TRPM3: variants seen among roughly 807,000 people sequenced by gnomAD.
The protein encoded by TRPM3 is transient receptor potential cation channel subfamily M member 3, also known as long transient receptor potential channel 3.
Under a neutral mutation model 181.2 loss-of-function variants are expected in TRPM3, and 77 were observed. The observed-to-expected ratio is 0.42, with a 90% CI of 0.35 to 0.51. The LOEUF (loss-of-function observed/expected upper bound fraction) is 0.51, where lower values mean the gene tolerates loss of function less well. Among genes scored for constraint, TRPM3 ranks in the 20% least tolerant of loss-of-function variants. TRPM3 has a pLI of 0.01. For synonymous variants in TRPM3, 745 were observed against 796.4 expected (o/e 0.94, Z 1.09); for missense variants, 1,759 against 2,196.7 (o/e 0.80, Z 3.98).
rs1314559068 is a variant in TRPM3 at position 71,420,727 on chromosome 9, GAGAGAGAGAAAGAGAGAGAA to G, written c.183+25906_183+25925del. Among the ~76,000 whole-genome samples, 200 of 45,284 alleles carry G rather than the reference GAGAGAGAGAAAGAGAGAGAA, an allele frequency of 4.4e-3. 13 individuals are homozygous for G. The highest frequency in any genetic ancestry group is 9.4e-3 in the African/African-American group (90 of 9,616). The allele number at this position is 45,284 out of a possible 152,430, so 29.7% of individuals were successfully genotyped here. ...AGAGAGAAAGAAAGAGAGAAAGAGA[GAGAGAGAGAAAGAGAGAGAA>G]AGAGAGAGAAAGAGAGAGAAAGAGA... On this transcript the variant is annotated intron_variant, in intron 1 of 24. Transcript: ENST00000357533.
intron 1 of TRPM3, among the ~76,000 whole-genome samples, chr9:71,364,714 A>T (rs2092277196): frequency 6.6e-6 from 1 of 152,224 alleles, no homozygotes; most frequent in African/African-American, 2.4e-5. Flanking sequence ...ACAGCTTGAG[A>T]GTAGTATGTC....
At chr9:71,104,667 T>A (rs2069112235) in intron 1 of TRPM3, among the ~76,000 whole-genome samples, 1 of 152,154 alleles carries the variant, frequency 6.6e-6, no homozygotes, top group Non-Finnish European at 1.5e-5. Context: ...TTTCTTCCTC[T>A]CTTTGCTCAA....
chr9:70,898,762 A>AAAAAG lies in TRPM3; in HGVS notation c.178-34256_178-34252dup, dbSNP rs995013288. Among the ~76,000 whole-genome samples, 195 of 143,092 alleles carry AAAAAG rather than the reference A, an allele frequency of 1.4e-3. 1 individual carries two copies. In the East Asian group the frequency reaches 0.024, roughly 18 times the overall value. The allele number at this position is 143,092 out of a possible 152,430, so 93.9% of individuals were successfully genotyped here. On this transcript the variant is annotated intron_variant, in intron 1 of 25. Coordinates refer to ENST00000677713, the MANE Select transcript of TRPM3 (RefSeq NM_001366145.2). Reference sequence around the variant, plus strand: ...GACTTCATCTCAAAAAAAAAAAAAAAAAAAGAAAAGAAAAGAAAAGAAAAG... The same window carrying AAAAAG: ...GACTTCATCTCAAAAAAAAAAAAAAAAAAAGAAAAGAAAAGAAAAGAAAAGAAAAG...
intron 9 of TRPM3, among the ~76,000 whole-genome samples, chr9:70,647,237 A>G (rs972872828): frequency 6.6e-6 from 1 of 152,104 alleles, no homozygotes; most frequent in East Asian, 1.9e-4. Flanking sequence ...ACACAATGAA[A>G]AAAAAGAAAA....
At chr9:70,565,022 C>T (rs1000020852) in intron 22 of TRPM3, among the ~76,000 whole-genome samples, 10 of 152,306 alleles carry the variant, frequency 6.6e-5, no homozygotes, top group Admixed American at 3.9e-4. Flanking sequence ...GAGCTTTTCA[C>T]GCTTCAAGTG....
intron 1 of TRPM3, among the ~76,000 whole-genome samples, chr9:71,000,304 T>C (rs1335954848): frequency 2.0e-5 from 3 of 152,176 alleles, no homozygotes; most frequent in African/African-American, 7.2e-5. Flanking sequence ...AACACTGAGG[T>C]TGAAGTGTTG....
chr9:70,896,813 A>T (rs1234340593), intron 1 of TRPM3, among the ~76,000 whole-genome samples: 1 of 147,234 alleles, frequency 6.8e-6, no homozygotes, highest in Non-Finnish European at 1.5e-5. Flanking sequence ...GCAGGGGCTA[A>T]TGCTTAAACC....
chr9:71,430,582 G>A (rs1289121521), intron 1 of TRPM3, among the ~76,000 whole-genome samples: 1 of 152,266 alleles, frequency 6.6e-6, no homozygotes, highest in Non-Finnish European at 1.5e-5. Flanking sequence ...GGGAGGCTGA[G>A]GCGGGTGGAT....
intron 1 of TRPM3, among the ~76,000 whole-genome samples, chr9:71,022,457 G>A (rs1263691670): frequency 7.9e-5 from 12 of 152,160 alleles, no homozygotes; most frequent in African/African-American, 2.9e-4. Context: ...CACTTTGGGA[G>A]GCTGAGGTGG....
At chr9:71,441,919 C>T (rs900405796) in intron 1 of TRPM3, among the ~76,000 whole-genome samples, 2 of 152,214 alleles carry the variant, frequency 1.3e-5, no homozygotes, top group Non-Finnish European at 2.9e-5. Context: ...GCATGAGCCA[C>T]TGTGCCCGGC....
chr9:71,353,525 A>G (rs1049859255), intron 1 of TRPM3, among the ~76,000 whole-genome samples: 1 of 152,180 alleles, frequency 6.6e-6, no homozygotes, highest in African/African-American at 2.4e-5. Flanking sequence ...AGGGCATCTC[A>G]TCACTACCTG....
At chr9:70,642,602 G>A (rs1201123770) in intron 9 of TRPM3, among the ~76,000 whole-genome samples, 3 of 152,130 alleles carry the variant, frequency 2.0e-5, no homozygotes, top group South Asian at 4.1e-4. Flanking sequence ...ATCCAGGCGC[G>A]GATATTTTTA....
At chr9:71,168,483 G>A (rs371201921) in intron 1 of TRPM3, among the ~76,000 whole-genome samples, 87 of 144,574 alleles carry the variant, frequency 6.0e-4, no homozygotes, top group Non-Finnish European at 1.1e-3. Context: ...GCATCACTAA[G>A]CACCCTTCTT....
At chr9:70,992,349 G>C (rs570284940) in intron 1 of TRPM3, among the ~76,000 whole-genome samples, 1 of 152,112 alleles carries the variant, frequency 6.6e-6, no homozygotes, top group Non-Finnish European at 1.5e-5. Flanking sequence ...TGTGAAGCAG[G>C]GCTTCTACAC....
At chr9:70,877,116 C>G (rs567266816) in intron 1 of TRPM3, among the ~76,000 whole-genome samples, 1 of 151,838 alleles carries the variant, frequency 6.6e-6, no homozygotes, top group Non-Finnish European at 1.5e-5. Context: ...TTTAAAATGA[C>G]GAATTAGCTC....
chr9:70,581,403 C>T (rs990182702), intron 22 of TRPM3, among the ~76,000 whole-genome samples: 43 of 152,240 alleles, frequency 2.8e-4, no homozygotes, highest in African/African-American at 4.8e-4. Context: ...GATATCTAGC[C>T]GCAGGAAGCG....
chr9:70,666,964 A>G (rs755116330), intron 9 of TRPM3, among the ~76,000 whole-genome samples: 44 of 151,918 alleles, frequency 2.9e-4, no homozygotes, highest in Non-Finnish European at 2.4e-4. Flanking sequence ...AGTTCTTAAA[A>G]CAATTGAGTG....
In TRPM3 at chr9:70,883,981, T is replaced by G. The variant is rs1030438201; in HGVS notation, c.178-19470A>C. 4.6e-5 allele frequency among the ~76,000 whole-genome samples: 7 copies of G among 152,284 alleles called. No individual in the cohort carries two copies. In the East Asian group the frequency reaches 1.4e-3, roughly 29 times the overall value. Reference sequence around the variant, plus strand: ...CAGGGGCAAGATCCTAGGAGTTATTTTGCATTTGGAAACGATTGCAGTTTT... The same window carrying G: ...CAGGGGCAAGATCCTAGGAGTTATTGTGCATTTGGAAACGATTGCAGTTTT... On this transcript the variant is annotated intron_variant, in intron 1 of 25. Transcript: ENST00000677713.
At chr9:71,050,798 G>A (rs1448992344) in intron 1 of TRPM3, among the ~76,000 whole-genome samples, 1 of 152,198 alleles carries the variant, frequency 6.6e-6, no homozygotes, top group South Asian at 2.1e-4. Context: ...AGTAATCACA[G>A]CCCTCATCTT....
Sources: allele counts gnomAD v4.1 joint callset (sites outside exome capture counted in the v4.1 genomes callset), GRCh38; gene constraint gnomAD v4.1.1; transcripts MANE v1.5; gene names NCBI Gene and HGNC (gene_info 2026-07-23, HGNC 2026-07-21).